The following TAF4 variants were observed in gnomAD, a reference collection of about 807,000 sequenced individuals.
TAF4 encodes the protein TATA-box binding protein associated factor 4.
In TAF4, 9 loss-of-function variants were observed where a neutral mutation model predicts 90.3. That is an observed-to-expected ratio of 0.10 (90% CI 0.06 to 0.17). The LOEUF (loss-of-function observed/expected upper bound fraction) is 0.17. Among genes scored for constraint, TAF4 ranks in the 10% least tolerant of loss-of-function variants. TAF4 has a pLI of 1.00. For missense variants in TAF4, 1,351 were observed against 1,370.7 expected (o/e 0.99, Z 0.23); for synonymous variants, 818 against 638.9 (o/e 1.28, Z -4.23).
chr20:61,982,847 G>A (rs1052254863), intron 14 of TAF4, among the ~76,000 whole-genome samples: 1 of 152,200 alleles, frequency 6.6e-6, no homozygotes, highest in Non-Finnish European at 1.5e-5. Flanking sequence ...CCCATGAAGG[G>A]GAAGGAATCA....
chr20:62,039,581 G>A (rs143858326), intron 1 of TAF4, among the ~76,000 whole-genome samples: 31 of 152,254 alleles, frequency 2.0e-4, no homozygotes, highest in African/African-American at 5.3e-4. Context: ...GGCACAGGAC[G>A]AATTCTTAAA....
intron 1 of TAF4, among the ~76,000 whole-genome samples, chr20:62,019,991 C>T (rs2055833628): frequency 6.6e-6 from 1 of 152,210 alleles, no homozygotes; most frequent in South Asian, 2.1e-4. Flanking sequence ...GCCCTGGCCT[C>T]CTGAGGCCCA....
At chr20:62,001,125 G>C (rs1383788009) in intron 9 of TAF4, among the ~76,000 whole-genome samples, 5 of 152,128 alleles carry the variant, frequency 3.3e-5, no homozygotes, top group Admixed American at 3.3e-4. Context: ...ATTTTTTCCT[G>C]AATCACCTGA....
intron 11 of TAF4, among the ~76,000 whole-genome samples, 184 bp downstream of exon 11, chr20:61,999,940 C>T (rs1012752734): frequency 6.6e-6 from 1 of 152,186 alleles, no homozygotes; most frequent in Non-Finnish European, 1.5e-5. Flanking sequence ...CAGAGTGAGA[C>T]CCTACCTCAA....
At chr20:61,998,072 C>T in intron 13 of TAF4, 64 bp downstream of exon 13, 3 of 1,514,218 alleles carry the variant, frequency 2.0e-6, no homozygotes, top group South Asian at 1.2e-5. Flanking sequence ...CTTAGCCCCC[C>T]TCCCGTGGGG....
At chr20:62,033,721 G>A (rs2145495464) in intron 1 of TAF4, among the ~76,000 whole-genome samples, 1 of 142,668 alleles carries the variant, frequency 7.0e-6, no homozygotes, top group Non-Finnish European at 1.5e-5. Context: ...TGGGCAACAA[G>A]AGTGAGACTC....
intron 1 of TAF4, among the ~76,000 whole-genome samples, chr20:62,020,377 C>A (rs941083744): frequency 6.6e-6 from 1 of 152,250 alleles, no homozygotes; most frequent in Admixed American, 6.5e-5. Flanking sequence ...CGGAGCCAGG[C>A]GCTGAACAGT....
Position 62,065,167 on chromosome 20 carries a change from A to G in TAF4, c.644T>C (p.Val215Ala), listed in dbSNP as rs1241594833. The G allele has an allele frequency of 1.7e-6, 2 of 1,207,700 alleles. No homozygotes were observed. Among genetic ancestry groups the G allele is most frequent in the Non-Finnish European group, 2.1e-6 (2 of 949,504 alleles). The allele number at this position is 1,207,700 out of a possible 1,614,324, so 74.8% of individuals were successfully genotyped here. ...GGCGGGCCCGTTGTTGACCAGGCTG[A>G]CAGCAGGTGCGGCGGCGTGGTGCGA... Reference protein sequence around the residue: ...LNSHHAAAPAVSLVNNGPAAL... With the variant: ...LNSHHAAAPAASLVNNGPAAL... Residue 215 changes from valine to alanine, a missense_variant, in exon 1 of 15, where the codon GTC (valine) becomes GCC (alanine). Physicochemically the swap from Val to Ala is moderately conservative, Grantham distance 64. Coordinates refer to ENST00000252996, the MANE Select transcript of TAF4 (RefSeq NM_003185.4).
chr20:61,998,269 T>G (rs1190408319), intron 12 of TAF4, 77 bp from the exon 13 acceptor site: 1 of 1,452,842 alleles, frequency 6.9e-7, no homozygotes, highest in Non-Finnish European at 9.5e-7. Flanking sequence ...GTTATCTTAT[T>G]TACTATACAA....
At chr20:61,990,323 T>G (rs1244574831) in intron 14 of TAF4, among the ~76,000 whole-genome samples, 4 of 152,188 alleles carry the variant, frequency 2.6e-5, no homozygotes, top group Non-Finnish European at 4.4e-5. Flanking sequence ...TTCTGTAGAT[T>G]TGAAAACTAC....
At position 62,012,756 on chromosome 20, in the gene TAF4, A is replaced by T. The variant is rs8125910; in HGVS notation, c.1641+59T>A. ...ACTCCTAAGGCCTGATCTCTGCATCAAAGAAATCACACTTCGTGGCCCCTG... is the reference window on the plus strand; with the variant it reads ...ACTCCTAAGGCCTGATCTCTGCATCTAAGAAATCACACTTCGTGGCCCCTG... On this transcript the variant is annotated intron_variant, in intron 3 of 14. Coordinates refer to ENST00000252996, the MANE Select transcript of TAF4 (RefSeq NM_003185.4). The T allele has an allele frequency of 4.8e-3, 7,289 of 1,534,010 alleles. 340 individuals carry two copies. The African/African-American group carries it at 0.093, about 19-fold the overall frequency.
intron 1 of TAF4, among the ~76,000 whole-genome samples, chr20:62,060,243 A>C (rs1391616471): frequency 6.6e-6 from 1 of 152,238 alleles, no homozygotes; most frequent in Non-Finnish European, 1.5e-5. Flanking sequence ...CCACAGAAGC[A>C]AGCGGGACAC....
At chr20:62,060,470 G>C (rs1428623264) in intron 1 of TAF4, among the ~76,000 whole-genome samples, 1 of 152,192 alleles carries the variant, frequency 6.6e-6, no homozygotes, top group Non-Finnish European at 1.5e-5. Context: ...CCAAAGGCAG[G>C]TGAGGTCCAT....
chr20:62,022,512 G>A (rs919570060), intron 1 of TAF4, among the ~76,000 whole-genome samples: 1 of 152,182 alleles, frequency 6.6e-6, no homozygotes, highest in Non-Finnish European at 1.5e-5. Context: ...TAGGACATTC[G>A]AACCCTCTCC....
intron 1 of TAF4, among the ~76,000 whole-genome samples, chr20:62,016,435 G>A (rs1600845358): frequency 1.3e-5 from 2 of 152,238 alleles, no homozygotes; most frequent in African/African-American, 2.4e-5. Context: ...GCAGAGGAAC[G>A]TGGAAGGACT....
At position 62,014,656 on chromosome 20, in the gene TAF4, T is replaced by G; in HGVS notation, c.1412A>C (p.Gln471Pro). Residue 471 changes from glutamine (Q) to proline (P), a missense_variant, in exon 2 of 15, where the codon CAG (glutamine) becomes CCG (proline). Gln to Pro is a moderately conservative substitution (Grantham distance 76). Around this residue, in one of 9 missense-constraint regions of TAF4, gnomAD observed 143 missense variants for 176.3 expected, o/e 0.81. Transcript: ENST00000252996. ...ENGQLLMIPQ[Q>P]ALAQMQAQAH... ...CTGCGCCTGCATCTGGGCCAAGGCC[T>G]GCTGAGGAATCATTAACAACTGCCC... 1 of 1,614,038 alleles carries G rather than the reference T, an allele frequency of 6.2e-7. No individual in the cohort carries two copies. The highest frequency in any genetic ancestry group is 8.5e-7 in the Non-Finnish European group (1 of 1,179,988).
intron 12 of TAF4, among the ~76,000 whole-genome samples, chr20:61,998,778 G>A (rs2055679368): frequency 6.6e-6 from 1 of 152,168 alleles, no homozygotes; most frequent in Non-Finnish European, 1.5e-5. Context: ...GGAATCTTAA[G>A]AAGCCCCGCT....
chr20:62,061,108 C>T (rs548060061), intron 1 of TAF4, among the ~76,000 whole-genome samples: 106 of 152,354 alleles, frequency 7.0e-4, no homozygotes, highest in African/African-American at 2.5e-3. Flanking sequence ...AAAATCTAAA[C>T]TTTTAGGAAT....
chr20:61,997,446 T>C, intron 14 of TAF4, 104 bp downstream of exon 14: 2 of 1,306,882 alleles, frequency 1.5e-6, no homozygotes, highest in Non-Finnish European at 9.9e-7. Flanking sequence ...ATGTAAATGG[T>C]AAGAAAGCAA....
Sources: allele counts gnomAD v4.1 joint callset (sites outside exome capture counted in the v4.1 genomes callset), GRCh38; gene constraint gnomAD v4.1.1; regional missense constraint gnomAD v4.1.1; transcripts MANE v1.5; gene names NCBI Gene and HGNC (gene_info 2026-07-23, HGNC 2026-07-21).